Variants in PHYHIPL observed in about 807,000 individuals in gnomAD.
The protein encoded by PHYHIPL is phytanoyl-CoA 2-hydroxylase interacting protein like, also known as phytanoyl-CoA hydroxylase-interacting protein-like.
A neutral mutation model predicts 33.4 loss-of-function variants in PHYHIPL; 9 were observed. That is an observed-to-expected ratio of 0.27 (90% CI 0.16 to 0.47). PHYHIPL has a LOEUF of 0.47. Ranked by LOEUF, PHYHIPL falls within the 20% of genes least tolerant of loss-of-function variation. The pLI is 0.99. For synonymous variants in PHYHIPL, 153 were observed against 154.1 expected (o/e 0.99, Z 0.05); for missense variants, 365 against 460.7 (o/e 0.79, Z 1.90).
intron 1 of PHYHIPL, among the ~76,000 whole-genome samples, chr10:59,199,301 TATTA>T (rs1469200162): frequency 6.6e-6 from 1 of 152,228 alleles, no homozygotes; most frequent in Non-Finnish European, 1.5e-5. Context: ...CAGCACCATT[TATTA>T]AATAGGGAAT....
intron 1 of PHYHIPL, among the ~76,000 whole-genome samples, chr10:59,178,227 T>C (rs1386929492): frequency 1.3e-5 from 2 of 151,858 alleles, no homozygotes; most frequent in African/African-American, 4.8e-5. Context: ...GAATTCAAAC[T>C]TTTTGAAACC....
chr10:59,243,226 C>G (rs1277901116), intron 4 of PHYHIPL, among the ~76,000 whole-genome samples: 2 of 151,860 alleles, frequency 1.3e-5, no homozygotes, highest in Non-Finnish European at 2.9e-5. Flanking sequence ...AATTACCTAG[C>G]AAAAGAAAGT....
At chr10:59,206,493 G>A (rs2440867) in intron 1 of PHYHIPL, among the ~76,000 whole-genome samples, 13,662 of 152,106 alleles carry the variant, frequency 0.09, 1,327 homozygotes, top group African/African-American at 0.24. Context: ...ACCCAACGTA[G>A]TCTAACTGAG....
intron 4 of PHYHIPL, among the ~76,000 whole-genome samples, chr10:59,243,435 C>T (rs1273222858): frequency 1.3e-5 from 2 of 152,132 alleles, no homozygotes; most frequent in Non-Finnish European, 2.9e-5. Flanking sequence ...AAACCTGGAA[C>T]ATCAGAAAGA....
intron 1 of PHYHIPL, among the ~76,000 whole-genome samples, chr10:59,218,635 A>G (rs768954443): frequency 3.3e-5 from 5 of 152,086 alleles, no homozygotes; most frequent in Non-Finnish European, 5.9e-5. Flanking sequence ...AGAATAGGTT[A>G]AAATAGGGCT....
chr10:59,204,538 GT>G (rs1839231883), intron 1 of PHYHIPL, among the ~76,000 whole-genome samples: 1 of 152,162 alleles, frequency 6.6e-6, no homozygotes, highest in Admixed American at 6.5e-5. Flanking sequence ...TGCAAATTTA[GT>G]TTGGTTTCAT....
Position 59,176,864 on chromosome 10 carries a change from C to A in PHYHIPL, c.11C>A (p.Pro4Gln), listed in dbSNP as rs768353582. Residue 4 changes from proline to glutamine, a missense_variant, in exon 1 of 5, where the codon CCG becomes CAG. Around this residue, in one of 4 missense-constraint regions of PHYHIPL, gnomAD observed 89 missense variants for 78.3 expected, o/e 1.14. Transcript: ENST00000373880. ...GAGTGGGTTGGAAAAATGGAGGTGC[C>A]GCGCCTGGATCATGCCCTCAACAGC... is the stretch of plus-strand genomic sequence containing the variant. MEV[P>Q]RLDHALNSPT... 1.2e-6 allele frequency: 2 copies of A among 1,612,438 alleles called. No homozygotes were observed. Among genetic ancestry groups the A allele is most frequent in the East Asian group, 2.2e-5 (1 of 44,700 alleles).
intron 1 of PHYHIPL, among the ~76,000 whole-genome samples, chr10:59,196,441 G>A (rs2133207923): frequency 7.1e-6 from 1 of 139,872 alleles, no homozygotes; most frequent in African/African-American, 2.7e-5. Flanking sequence ...TTGAGATAGA[G>A]TCTTGCTCTG....
chr10:59,233,383 T>G (rs1840134169), intron 1 of PHYHIPL, among the ~76,000 whole-genome samples: 1 of 151,848 alleles, frequency 6.6e-6, no homozygotes, highest in Admixed American at 6.6e-5. Context: ...AAGGAACGAG[T>G]TAAGTAATTG....
chr10:59,176,978 G>C lies in PHYHIPL; in HGVS notation c.106+19G>C. ...CGGGACGGTAAGAGCGGCCGGGACC[G>C]CGAGGAAAGGGACAGAGTTCGCGCC... On this transcript the variant is annotated intron_variant, in intron 1 of 4. Transcript: ENST00000373880. 1 of 1,605,848 alleles carries C rather than the reference G, an allele frequency of 6.2e-7. No individual in the cohort carries two copies.
chr10:59,185,329 G>A (rs1429284482), intron 1 of PHYHIPL, among the ~76,000 whole-genome samples: 1 of 152,204 alleles, frequency 6.6e-6, no homozygotes, highest in Non-Finnish European at 1.5e-5. Context: ...ATTCCATGGT[G>A]TATATGTGCC....
In PHYHIPL at chr10:59,247,391, T is replaced by G; in HGVS notation, c.*1800T>G. On this transcript the variant is annotated 3_prime_UTR_variant, in exon 5 of 5. Coordinates refer to ENST00000373880, the MANE Select transcript of PHYHIPL (RefSeq NM_032439.4). ...GTTTTCTGCTTGGCATGGAGGACAC[T>G]GAATTTTTTCCCAATTATATGGCTA... The G allele has an allele frequency of 1.9e-6, 1 of 524,694 alleles. No individual in the cohort carries two copies. Among genetic ancestry groups the G allele is most frequent in the Non-Finnish European group, 3.3e-6 (1 of 300,728 alleles). The allele number at this position is 524,694 out of a possible 1,614,324, so 32.5% of individuals were successfully genotyped here.
chr10:59,211,354 G>A (rs1337243001), intron 1 of PHYHIPL, among the ~76,000 whole-genome samples: 1 of 152,126 alleles, frequency 6.6e-6, no homozygotes, highest in East Asian at 1.9e-4. Flanking sequence ...TTCAGCCTGA[G>A]TGACAGAACA....
At chr10:59,181,682 A>G (rs1184772742) in intron 1 of PHYHIPL, among the ~76,000 whole-genome samples, 2 of 152,244 alleles carry the variant, frequency 1.3e-5, no homozygotes, top group East Asian at 1.9e-4. Context: ...ATATGACTAT[A>G]GAGATATTAG....
intron 1 of PHYHIPL, among the ~76,000 whole-genome samples, chr10:59,202,111 G>A (rs904505073): frequency 9.9e-5 from 15 of 152,110 alleles, no homozygotes; most frequent in African/African-American, 3.6e-4. Flanking sequence ...AGTAGTGACT[G>A]GGGTTAGGGT....
intron 1 of PHYHIPL, among the ~76,000 whole-genome samples, chr10:59,219,568 G>GAATAATA (rs1839706722): frequency 6.6e-6 from 1 of 152,020 alleles, no homozygotes; most frequent in African/African-American, 2.4e-5. Flanking sequence ...TTTTTATTTT[G>GAATAATA]ATATGAATAG....
upstream of PHYHIPL, among the ~76,000 whole-genome samples, chr10:59,173,921 G>GTTTTTTTTTTTTTTTT (rs368316005): frequency 1.4e-4 from 8 of 57,554 alleles, 2 homozygotes; most frequent in African/African-American, 2.8e-4. Flanking sequence ...TACTTCTGAG[G>GTTTTTTTTTTTTTTTT]TTTTTTTTTT....
In PHYHIPL at chr10:59,245,687, G is replaced by C. The variant is rs943177588; in HGVS notation, c.*96G>C. ...TTATCACCAGATGTTTTCCACTGAA[G>C]CATGCACATGCCACTGTCACCAAAA... On this transcript the variant is annotated 3_prime_UTR_variant, in exon 5 of 5. Transcript: ENST00000373880. 6.2e-6 allele frequency: 8 copies of C among 1,298,740 alleles called. No homozygotes were observed. Among genetic ancestry groups the C allele is most frequent in the Admixed American group, 4.7e-5 (2 of 42,294 alleles). 80.5% of individuals were successfully genotyped at this position (1,298,740 alleles called of 1,614,324 possible). A position where few individuals can be genotyped will look rare whatever the true frequency, so the allele number is the denominator to read the frequency against.
chr10:59,191,790 T>C (rs759901867), intron 1 of PHYHIPL, among the ~76,000 whole-genome samples: 2 of 152,086 alleles, frequency 1.3e-5, no homozygotes, highest in Non-Finnish European at 2.9e-5. Context: ...ATTTTAAATT[T>C]GTCTGTTATT....
Sources: allele counts gnomAD v4.1 joint callset (sites outside exome capture counted in the v4.1 genomes callset), GRCh38; gene constraint gnomAD v4.1.1; regional missense constraint gnomAD v4.1.1; transcripts MANE v1.5; gene names NCBI Gene and HGNC (gene_info 2026-07-23, HGNC 2026-07-21).